Variants in CABP5 observed in about 807,000 individuals in gnomAD.
The protein encoded by CABP5 is calcium binding protein 5, also known as calcium-binding protein 5.
Under a neutral mutation model 21.9 loss-of-function variants are expected in CABP5, and 17 were observed. The ratio of observed to expected loss-of-function variants is 0.78; its 90% CI spans 0.53 to 1.17. The LOEUF (loss-of-function observed/expected upper bound fraction) is 1.17, where lower values mean the gene tolerates loss of function less well. Among genes scored for constraint, CABP5 ranks in the 50% most tolerant of loss-of-function variants. CABP5 has a pLI of 0.00. For missense variants in CABP5, 229 were observed against 228.9 expected, an observed-to-expected ratio of 1.00 and a Z score of 0.00; for synonymous variants, 85 against 79.4, an observed-to-expected ratio of 1.07 and a Z score of -0.37.
At position 48,043,985 on chromosome 19, in the gene CABP5, G is replaced by T; in HGVS notation, c.-63C>A. On this transcript the variant is annotated 5_prime_UTR_variant, in exon 1 of 6. Coordinates refer to ENST00000293255, the MANE Select transcript of CABP5 (RefSeq NM_019855.5). ...AGATGGCCCCTCCTCCCTGCTCCCT[G>T]TCGGAGCTCAGCCTCCTTATCTTCT... 1 of 1,404,706 alleles carries T rather than the reference G, an allele frequency of 7.1e-7. No homozygotes were observed. Among genetic ancestry groups the T allele is most frequent in the Non-Finnish European group, 9.6e-7 (1 of 1,046,504 alleles). The allele number at this position is 1,404,706 out of a possible 1,614,324, so 87.0% of individuals were successfully genotyped here.
intron 2 of CABP5, 61 bp from the exon 3 acceptor site, chr19:48,040,809 T>A (rs574006547): frequency 6.4e-7 from 1 of 1,552,872 alleles, no homozygotes; most frequent in South Asian, 1.1e-5. Flanking sequence ...GAGTGGCATC[T>A]CTTGAAGCTA....
intron 4 of CABP5, among the ~76,000 whole-genome samples, chr19:48,038,824 CT>C: frequency 6.6e-6 from 1 of 150,846 alleles, no homozygotes; most frequent in East Asian, 1.9e-4. Flanking sequence ...GAAACCCCGT[CT>C]CAAAAAAAAA....
chr19:48,034,485 A>G, intron 4 of CABP5, 123 bp from the exon 5 acceptor site: 1 of 598,140 alleles, frequency 1.7e-6, no homozygotes, highest in East Asian at 3.2e-5. Flanking sequence ...AATGTGAGCC[A>G]CTAGAACGTC....
At chr19:48,036,604 C>A (rs997348943) in intron 4 of CABP5, among the ~76,000 whole-genome samples, 27 of 152,042 alleles carry the variant, frequency 1.8e-4, no homozygotes, top group African/African-American at 6.5e-4. Context: ...TGGCATTGTG[C>A]CTATAATTAA....
At chr19:48,038,473 C>A (rs551086895) in intron 4 of CABP5, among the ~76,000 whole-genome samples, 1 of 152,264 alleles carries the variant, frequency 6.6e-6, no homozygotes, top group South Asian at 2.1e-4. Context: ...ACCAGATGAC[C>A]ACTTTGCATT....
At chr19:48,039,140 G>T in intron 4 of CABP5, 68 bp downstream of exon 4, 1 of 1,270,034 alleles carries the variant, frequency 7.9e-7, no homozygotes, top group Non-Finnish European at 1.2e-6. Context: ...CATGGCATTG[G>T]CTAATTACAG....
At chr19:48,040,899 G>A (rs748298464) in intron 2 of CABP5, 151 bp from the exon 3 acceptor site, 463 of 742,138 alleles carry the variant, frequency 6.2e-4, no homozygotes, top group Non-Finnish European at 6.4e-4. Context: ...AACCAAGGCC[G>A]GATGTGGTGG....
At position 48,029,569 on chromosome 19, in the gene CABP5, G is replaced by A. The variant is rs532305727; in HGVS notation, c.*988C>T. On this transcript the variant is annotated 3_prime_UTR_variant, in exon 6 of 6. Transcript: ENST00000293255. Reference sequence around the variant, plus strand: ...CCTCTGGGTGGTCCAGGACAGACCAGCGCGGAGGTAGGAGGCTTCTAGGAA... The same window carrying A: ...CCTCTGGGTGGTCCAGGACAGACCAACGCGGAGGTAGGAGGCTTCTAGGAA... 2.3e-4 allele frequency among the ~76,000 whole-genome samples: 35 copies of A among 152,086 alleles called. No homozygotes were observed. The highest frequency in any genetic ancestry group is 4.6e-4 in the Non-Finnish European group (31 of 68,014).
At chr19:48,036,365 G>A (rs1967408697) in intron 4 of CABP5, among the ~76,000 whole-genome samples, 1 of 152,106 alleles carries the variant, frequency 6.6e-6, no homozygotes. Flanking sequence ...GTGTGGGGCA[G>A]GATTTCCTTC....
Position 48,040,622 on chromosome 19 carries a change from TG to T in CABP5, c.220del (p.Gln74SerfsTer5), listed in dbSNP as rs759096387. ...PTEMELIELG[Q>X]QIRMNLGGRV... ...GGACTCACGGTTCATGCGGATTTGC[TG>T]GCCGAGCTCAATCAGTTCCATCTCC... is the stretch of plus-strand genomic sequence containing the variant. On this transcript the variant is annotated frameshift_variant, in exon 3 of 6. Transcript: ENST00000293255. LOFTEE classifies it high-confidence loss of function. 6 of 1,613,882 alleles carry T rather than the reference TG, an allele frequency of 3.7e-6. No individual in the cohort carries two copies. Among genetic ancestry groups the T allele is most frequent in the Non-Finnish European group, 5.1e-6 (6 of 1,179,836 alleles).
In CABP5 at chr19:48,035,450, A is replaced by C. The variant is rs111483529; in HGVS notation, c.349-1088T>G. 4.9e-4 allele frequency among the ~76,000 whole-genome samples: 75 copies of C among 152,352 alleles called. 3 individuals carry two copies. Among genetic ancestry groups the C allele is most frequent in the African/African-American group, 1.6e-3 (67 of 41,574 alleles). On this transcript the variant is annotated intron_variant, in intron 4 of 5. Transcript: ENST00000293255. ...CCGTCTTTACTAAAAATACAAAATTAGCCAGGCGTGGTGGCGCATGCCTGT... is the reference window on the plus strand; with the variant it reads ...CCGTCTTTACTAAAAATACAAAATTCGCCAGGCGTGGTGGCGCATGCCTGT...
intron 3 of CABP5, 64 bp downstream of exon 3, chr19:48,040,541 C>A: frequency 1.3e-6 from 2 of 1,574,362 alleles, no homozygotes; most frequent in Non-Finnish European, 8.7e-7. Flanking sequence ...ACCTCTACAT[C>A]CTTCCCAATT....
rs1035179611 is a variant in CABP5 at position 48,030,298 on chromosome 19, G to T, written c.*259C>A. 2.3e-6 allele frequency: 1 copy of T among 428,630 alleles called. No homozygotes were observed. Among genetic ancestry groups the T allele is most frequent in the East Asian group, 3.6e-5 (1 of 27,608 alleles). 26.6% of individuals were successfully genotyped at this position (428,630 alleles called of 1,614,324 possible). On this transcript the variant is annotated 3_prime_UTR_variant, in exon 6 of 6. Coordinates refer to ENST00000293255, the MANE Select transcript of CABP5 (RefSeq NM_019855.5). ...TCAAGAATCATTGGAATTTTTGGGG[G>T]TGGCAACTGGACCCTCCCACGCTTC...
chr19:48,032,638 T>TTC lies in CABP5; in HGVS notation c.496+1576_496+1577insGA, dbSNP rs1400665150. ...GCCACGCGCCTGGCCTTTTTTTCTT[T>TTC]TTTTCTTTTTTTGAGATGGAGTCTC... On this transcript the variant is annotated intron_variant, in intron 5 of 5. Coordinates refer to ENST00000293255, the MANE Select transcript of CABP5 (RefSeq NM_019855.5). Among the ~76,000 whole-genome samples, 35 of 109,294 alleles carry TTC rather than the reference T, an allele frequency of 3.2e-4. 1 individual carries two copies. Among genetic ancestry groups the TTC allele is most frequent in the Non-Finnish European group, 3.8e-4 (18 of 47,240 alleles). The allele number at this position is 109,294 out of a possible 152,430, so 71.7% of individuals were successfully genotyped here.
Position 48,034,341 on chromosome 19 carries a change from C to T in CABP5, c.370G>A (p.Glu124Lys), listed in dbSNP as rs1404836370. Residue 124 changes from glutamate to lysine, a missense_variant, in exon 5 of 6, where the codon GAG becomes AAG. Physicochemically the swap from Glu to Lys is moderately conservative, Grantham distance 56. Transcript: ENST00000293255. ...FKEFDTNGDG[E>K]ITLVELQQAM... ...TGCTGTAGCTCCACCAGGGTGATCTCCCCATCTCCATTCGTGTCAAACTGA... is the reference window on the plus strand; with the variant it reads ...TGCTGTAGCTCCACCAGGGTGATCTTCCCATCTCCATTCGTGTCAAACTGA... 14 of 1,578,356 alleles carry T rather than the reference C, an allele frequency of 8.9e-6. 1 individual carries two copies. In the Middle Eastern group the frequency reaches 5.0e-4, roughly 57 times the overall value.
intron 4 of CABP5, among the ~76,000 whole-genome samples, chr19:48,034,860 A>G (rs1268223339): frequency 6.6e-6 from 1 of 151,830 alleles, no homozygotes; most frequent in African/African-American, 2.4e-5. Flanking sequence ...CTTTTTTTTA[A>G]TGAGACGGGG....
At position 48,041,617 on chromosome 19, in the gene CABP5, C is replaced by A; in HGVS notation, c.64-14G>T. 6.2e-7 allele frequency: 1 copy of A among 1,609,608 alleles called. No homozygotes were observed. On this transcript the variant is annotated splice_polypyrimidine_tract_variant and intron_variant, in intron 1 of 5. Transcript: ENST00000293255. ...CAGTGGTCTTTCCTGGAAAGGAATG[C>A]AGATGAGAGGGAATTTGGAGAGAGG...
rs1023584034 is a variant in CABP5 at position 48,029,906 on chromosome 19, A to G, written c.*651T>C. 19 of 151,846 alleles carry G rather than the reference A, an allele frequency of 1.3e-4. No individual in the cohort carries two copies. Among genetic ancestry groups the G allele is most frequent in the African/African-American group, 4.6e-4 (19 of 41,352 alleles). The allele number at this position is 151,846 out of a possible 1,614,324, so 9.4% of individuals were successfully genotyped here. A position where few individuals can be genotyped will look rare whatever the true frequency, so the allele number is the denominator to read the frequency against. Reference sequence around the variant, plus strand: ...ACTTTGAATGCCACTTGCACGAGCCATTTCCAAGCCCAGCCTCAACAACAA... The same window carrying G: ...ACTTTGAATGCCACTTGCACGAGCCGTTTCCAAGCCCAGCCTCAACAACAA... On this transcript the variant is annotated 3_prime_UTR_variant, in exon 6 of 6. Transcript: ENST00000293255.
At chr19:48,033,299 C>T (rs779937724) in intron 5 of CABP5, among the ~76,000 whole-genome samples, 8 of 138,426 alleles carry the variant, frequency 5.8e-5, no homozygotes, top group Middle Eastern at 7.5e-3. Flanking sequence ...CCACCATGTC[C>T]GGCCGACATG....
Sources: gnomAD v4.1 joint callset for allele counts (sites outside exome capture counted in the v4.1 genomes callset) on GRCh38, gnomAD v4.1.1 for gene constraint, MANE v1.5 for transcripts, NCBI Gene and HGNC (gene_info 2026-07-23, HGNC 2026-07-21) for gene names.